The following ARFGAP2 variants were observed in gnomAD, a reference collection of about 807,000 sequenced individuals.
ARFGAP2 encodes ARF GTPase activating protein 2.
ARFGAP2 carries 45 observed loss-of-function variants against 71.9 expected under a neutral mutation model. The observed-to-expected ratio is 0.63, with a 90% CI of 0.49 to 0.80. ARFGAP2 has a LOEUF of 0.80. ARFGAP2 is among the 30% of genes least tolerant of loss of function. ARFGAP2 has a pLI of 0.00. For synonymous variants in ARFGAP2, 248 were observed against 249.2 expected (o/e 1.00, Z 0.05); for missense variants, 633 against 673.9 (o/e 0.94, Z 0.67).
intron 15 of ARFGAP2, among the ~76,000 whole-genome samples, chr11:47,165,820 G>A (rs539852653): frequency 6.6e-6 from 1 of 152,250 alleles, no homozygotes; most frequent in Admixed American, 6.5e-5. Flanking sequence ...GAGCTGAAAG[G>A]AAGGAAGCTG....
intron 3 of ARFGAP2, 54 bp downstream of exon 3, chr11:47,175,797 A>T (rs1952787262): frequency 6.2e-7 from 1 of 1,605,714 alleles, no homozygotes; most frequent in Admixed American, 1.7e-5. Flanking sequence ...GAGTCGTGCA[A>T]AGTTAGTAAC....
Position 47,168,063 on chromosome 11 carries a change from G to C in ARFGAP2, c.1071-20C>G. On this transcript the variant is annotated intron_variant, in intron 11 of 15. Coordinates refer to ENST00000524782, the MANE Select transcript of ARFGAP2 (RefSeq NM_032389.6). ...TTGTACCTAGGGAGACAGTAGAGTGGCTCAGAGAAGCCTGATGAGGAACAC... is the reference window on the plus strand; with the variant it reads ...TTGTACCTAGGGAGACAGTAGAGTGCCTCAGAGAAGCCTGATGAGGAACAC... The C allele has an allele frequency of 3.1e-6, 5 of 1,614,122 alleles. No homozygotes were observed. Among genetic ancestry groups the C allele is most frequent in the Non-Finnish European group, 4.2e-6 (5 of 1,180,018 alleles).
intron 7 of ARFGAP2, 198 bp downstream of exon 7, chr11:47,173,228 T>G: frequency 1.5e-6 from 1 of 672,930 alleles, no homozygotes. Flanking sequence ...CCCACCCAGA[T>G]TCATCAATTC....
intron 3 of ARFGAP2, chr11:47,175,527 C>A: frequency 1.4e-6 from 1 of 721,992 alleles, no homozygotes; most frequent in Non-Finnish European, 2.3e-6. Flanking sequence ...GAAGTCCAGG[C>A]CCCACTGAAC....
Position 47,171,445 on chromosome 11 carries a change from T to A in ARFGAP2, c.922A>T (p.Met308Leu). The A allele has an allele frequency of 6.2e-7, 1 of 1,614,252 alleles. No homozygotes were observed. The highest frequency in any genetic ancestry group is 8.5e-7 in the Non-Finnish European group (1 of 1,180,048). The change falls in exon 10 of 16, where the codon ATG becomes TTG. Residue 308 changes from methionine (M) to leucine (L), a missense_variant. By Grantham distance (15) the Met-to-Leu change is conservative. Coordinates refer to ENST00000524782, the MANE Select transcript of ARFGAP2 (RefSeq NM_032389.6). ...CCTCACCTTCGGGATACCAAGCCCA[T>A]GCCCAACCTTTCTGCCTGCTCTCGC... Reference protein sequence around the residue: ...KKREQAERLGMGLVSRSSVSH... With the variant: ...KKREQAERLGLGLVSRSSVSH...
chr11:47,167,875 AAAG>A (rs1281202892), intron 12 of ARFGAP2, 31 bp downstream of exon 12: 5 of 1,524,786 alleles, frequency 3.3e-6, no homozygotes, highest in Non-Finnish European at 4.4e-6. Flanking sequence ...TAAAAAAAAA[AAAG>A]AAAGAAAAAA....
intron 10 of ARFGAP2, among the ~76,000 whole-genome samples, chr11:47,168,872 G>T (rs185088006): frequency 1.1e-3 from 168 of 152,098 alleles, no homozygotes; most frequent in African/African-American, 3.8e-3. Flanking sequence ...TCTCTGTCCT[G>T]AACAACTCCC....
Position 47,166,818 on chromosome 11 carries a change from A to G in ARFGAP2, c.1274T>C (p.Phe425Ser). The G allele has an allele frequency of 6.2e-7, 1 of 1,614,104 alleles. No individual in the cohort carries two copies. The highest frequency in any genetic ancestry group is 1.1e-5 in the South Asian group (1 of 91,084). ...GLESSEARQKFAGAKAISSDM... is the reference protein window; with the variant it reads ...GLESSEARQKSAGAKAISSDM... ...AGATGAGATGGCTTTGGCTCCTGCG[A>G]ATTTCTGACGCGCCTCACTAGACTC... Residue 425 changes from phenylalanine (F) to serine (S), a missense_variant, in exon 13 of 16, where the codon TTC (phenylalanine) becomes TCC (serine). Phe to Ser is a radical substitution (Grantham distance 155, BLOSUM62 -2). Coordinates refer to ENST00000524782, the MANE Select transcript of ARFGAP2 (RefSeq NM_032389.6).
intron 2 of ARFGAP2, chr11:47,176,197 T>C (rs1952811848): frequency 3.4e-6 from 2 of 590,342 alleles, no homozygotes; most frequent in Non-Finnish European, 3.0e-6. Context: ...ATGGTCACAG[T>C]CTCACTAGAG....
chr11:47,167,791 CAG>C, intron 12 of ARFGAP2, 116 bp downstream of exon 12: 1 of 1,299,384 alleles, frequency 7.7e-7, no homozygotes, highest in Non-Finnish European at 1.0e-6. Context: ...TTAAACAACA[CAG>C]AGAACATTCC....
rs751589483 is a variant in ARFGAP2 at position 47,175,078 on chromosome 11, A to C, written c.417T>G (p.Ser139Arg). 6.2e-7 allele frequency: 1 copy of C among 1,614,138 alleles called. No homozygotes were observed. Among genetic ancestry groups the C allele is most frequent in the Non-Finnish European group, 8.5e-7 (1 of 1,180,022 alleles). ...CTGGGGAGTGATTAGGAACGGCACT[A>C]CTCATGTTGTCTATCCAAAGCTAGA... ...HGTDLWIDNM[S>R]SAVPNHSPEK... Residue 139 changes from serine (S) to arginine (R), a missense_variant, in exon 5 of 16, where the codon AGT becomes AGG. By Grantham distance (110) the Ser-to-Arg change is moderately radical. Transcript: ENST00000524782.
At chr11:47,175,573 C>T (rs566958305) in intron 3 of ARFGAP2, 114 of 629,368 alleles carry the variant, frequency 1.8e-4, no homozygotes, top group Non-Finnish European at 3.0e-4. Context: ...CCAGCCTCCC[C>T]ATCCTTCATC....
At chr11:47,175,340 G>C (rs200650864) in intron 3 of ARFGAP2, 27 bp from the exon 4 acceptor site, 4 of 1,613,642 alleles carry the variant, frequency 2.5e-6, no homozygotes, top group Non-Finnish European at 3.4e-6. Context: ...AGAGCAGCGC[G>C]TGCTACGGGT....
intron 14 of ARFGAP2, 39 bp downstream of exon 14, chr11:47,166,467 A>T (rs759092910): frequency 3.0e-5 from 48 of 1,612,376 alleles, no homozygotes; most frequent in Non-Finnish European, 4.1e-5. Flanking sequence ...CCCTGCTCCC[A>T]GGCCTCACTT....
chr11:47,171,664 A>G lies in ARFGAP2; in HGVS notation c.809T>C (p.Met270Thr), dbSNP rs1351768167. The G allele has an allele frequency of 1.9e-6, 3 of 1,613,600 alleles. No homozygotes were observed. Among genetic ancestry groups the G allele is most frequent in the East Asian group, 2.2e-5 (1 of 44,894 alleles). ...TGAGGCCCCGGCAGCAAACACTTACATGGACTCCTCCGCCTGCTTCTTGGC... is the reference window on the plus strand; with the variant it reads ...TGAGGCCCCGGCAGCAAACACTTACGTGGACTCCTCCGCCTGCTTCTTGGC... ...ADAKKQAEESMVASMRLAYQE... is the reference protein window; with the variant it reads ...ADAKKQAEESTVASMRLAYQE... The change falls in exon 9 of 16, where the codon ATG (methionine) becomes ACG (threonine). Residue 270 changes from methionine to threonine, a missense_variant and splice_region_variant. Coordinates refer to ENST00000524782, the MANE Select transcript of ARFGAP2 (RefSeq NM_032389.6).
rs745349339 is a variant in ARFGAP2 at position 47,175,114 on chromosome 11, C to T, written c.397-16G>A. The T allele has an allele frequency of 1.9e-6, 3 of 1,614,048 alleles. No homozygotes were observed. Among genetic ancestry groups the T allele is most frequent in the African/African-American group, 2.7e-5 (2 of 74,904 alleles). On this transcript the variant is annotated splice_polypyrimidine_tract_variant and intron_variant, in intron 4 of 15. Transcript: ENST00000524782. ...CTATCCAAAGCTAGAAAGGAGAAGA[C>T]ACCCCTAAAACACAGGGCTCTGAAT...
Position 47,172,638 on chromosome 11 carries a change from G to A in ARFGAP2, c.620-305C>T, listed in dbSNP as rs867855541. On this transcript the variant is annotated intron_variant, in intron 7 of 15. Transcript: ENST00000524782. ...GACTGCGAGGCAGGGAGCATATGGT[G>A]AGCACCAGGCTCCGCTTCTAAAGCA... The A allele has an allele frequency of 6.2e-5, 82 of 1,327,724 alleles. 1 individual carries two copies. The South Asian group carries it at 9.9e-4, about 16-fold the overall frequency. The allele number at this position is 1,327,724 out of a possible 1,614,324, so 82.2% of individuals were successfully genotyped here.
Position 47,166,009 on chromosome 11 carries a change from T to C in ARFGAP2, c.1545+259A>G, listed in dbSNP as rs183427767. On this transcript the variant is annotated intron_variant, in intron 15 of 15. Coordinates refer to ENST00000524782, the MANE Select transcript of ARFGAP2 (RefSeq NM_032389.6). The stretch of plus-strand genomic sequence containing the variant: ...GCATCCCGAGTAGCGGGATTACAGG[T>C]GCACGCCATCATGCCCAGCTAATTT... Among the ~76,000 whole-genome samples the C allele has an allele frequency of 3.9e-5, 6 of 152,214 alleles. No homozygotes were observed. In the East Asian group the frequency reaches 1.2e-3, roughly 29 times the overall value.
chr11:47,168,017 C>T lies in ARFGAP2; in HGVS notation c.1097G>A (p.Gly366Glu), dbSNP rs754289541. 21 of 1,614,066 alleles carry T rather than the reference C, an allele frequency of 1.3e-5. No individual in the cohort carries two copies. Among genetic ancestry groups the T allele is most frequent in the Admixed American group, 1.7e-5 (1 of 60,002 alleles). Residue 366 changes from glycine (G) to glutamate (E), a missense_variant, in exon 12 of 16, where the codon GGG becomes GAG. Transcript: ENST00000524782. ...PKYKDNPFSL[G>E]ESFGSRWDTD... The stretch of plus-strand genomic sequence containing the variant: ...ATCCCAGCGGGAGCCAAAGCTTTCC[C>T]CTAAGGAAAAGGGATTGTCCTTGTA...
Sources: gnomAD v4.1 joint callset for allele counts (sites outside exome capture counted in the v4.1 genomes callset) on GRCh38, gnomAD v4.1.1 for gene constraint, MANE v1.5 for transcripts, NCBI Gene and HGNC (gene_info 2026-07-23, HGNC 2026-07-21) for gene names.